The following PATL2 variants were observed in gnomAD, a reference collection of about 807,000 sequenced individuals.
The protein encoded by PATL2 is PAT1 homolog 2.
Under a neutral mutation model 77.0 loss-of-function variants are expected in PATL2, and 73 were observed. The observed-to-expected ratio is 0.95, with a 90% CI of 0.78 to 1.15. PATL2 has a LOEUF of 1.15. PATL2 is among the 50% of genes most tolerant of loss of function. PATL2 has a pLI of 0.00. For synonymous variants in PATL2, 265 were observed against 257.1 expected (o/e 1.03, Z -0.29); for missense variants, 618 against 655.4 (o/e 0.94, Z 0.62).
chr15:44,674,078 G>A, intron 6 of PATL2, 72 bp downstream of exon 6: 1 of 1,408,188 alleles, frequency 7.1e-7, no homozygotes. Flanking sequence ...CTCCAGACCA[G>A]GGTTGGGGGT....
intron 3 of PATL2, among the ~76,000 whole-genome samples, chr15:44,700,280 T>A (rs773817114): frequency 1.3e-4 from 20 of 152,114 alleles, no homozygotes; most frequent in Non-Finnish European, 2.5e-4. Context: ...TAAATGACTG[T>A]ACGTTGATTT....
At chr15:44,668,877 A>G in intron 14 of PATL2, 103 bp downstream of exon 14, 1 of 1,362,686 alleles carries the variant, frequency 7.3e-7, no homozygotes. Flanking sequence ...CGCTGTGCCC[A>G]GCACCTTCTC....
intron 3 of PATL2, among the ~76,000 whole-genome samples, chr15:44,702,670 T>C (rs1328498536): frequency 1.3e-5 from 2 of 152,060 alleles, no homozygotes; most frequent in South Asian, 2.1e-4. Context: ...CTGTATCCCA[T>C]AGGTTTTGGT....
chr15:44,708,282 A>G (rs2086781700), intron 3 of PATL2, among the ~76,000 whole-genome samples: 1 of 152,224 alleles, frequency 6.6e-6, no homozygotes, highest in African/African-American at 2.4e-5. Flanking sequence ...AGGGAGCAGG[A>G]TTAGTGGAGG....
intron 2 of PATL2, among the ~76,000 whole-genome samples, 187 bp downstream of exon 2, chr15:44,710,684 A>T (rs1374172873): frequency 1.3e-5 from 2 of 152,036 alleles, no homozygotes; most frequent in African/African-American, 4.8e-5. Flanking sequence ...TCATCCATCC[A>T]TTCGTTCATT....
chr15:44,676,015 C>A, intron 4 of PATL2: 1 of 349,616 alleles, frequency 2.9e-6, no homozygotes, highest in Non-Finnish European at 5.2e-6. Context: ...GACCCTGTCT[C>A]TAAGTAAAAA....
At chr15:44,689,577 TG>T (rs2086340040) in intron 3 of PATL2, among the ~76,000 whole-genome samples, 1 of 150,604 alleles carries the variant, frequency 6.6e-6, no homozygotes, top group African/African-American at 2.5e-5. Context: ...TGGATGAAGC[TG>T]GAAACCACCA....
chr15:44,701,568 T>C (rs2086629829), intron 3 of PATL2, among the ~76,000 whole-genome samples: 1 of 151,630 alleles, frequency 6.6e-6, no homozygotes, highest in Non-Finnish European at 1.5e-5. Flanking sequence ...TGGTGGTACA[T>C]GCCTGTTCTT....
rs376897489 is a variant in PATL2 at position 44,669,921 on chromosome 15, C to G, written c.778+46G>C. On this transcript the variant is annotated intron_variant, in intron 10 of 17. Coordinates refer to ENST00000682850, the MANE Select transcript of PATL2 (RefSeq NM_001387263.1). ...TTTCCTTCCCCCTCCCACACTCTGT[C>G]CACCCAGATGCCCAGCCCAAGTCAG... 1.7e-3 allele frequency: 2,635 copies of G among 1,550,478 alleles called. 45 individuals carry two copies. Among genetic ancestry groups the G allele is most frequent in the Non-Finnish European group, 5.1e-4 (582 of 1,146,240 alleles).
intron 15 of PATL2, among the ~76,000 whole-genome samples, chr15:44,667,816 A>G (rs931730980): frequency 2.0e-5 from 3 of 152,068 alleles, no homozygotes; most frequent in African/African-American, 7.2e-5. Flanking sequence ...GTTGGCGAAC[A>G]CTTGTAATCC....
At chr15:44,668,748 A>C (rs1174076562) in intron 14 of PATL2, among the ~76,000 whole-genome samples, 1 of 152,172 alleles carries the variant, frequency 6.6e-6, no homozygotes, top group African/African-American at 2.4e-5. Context: ...TCCTCAGCAC[A>C]CTGACACCTG....
intron 3 of PATL2, among the ~76,000 whole-genome samples, chr15:44,678,357 T>A (rs1417460803): frequency 1.3e-5 from 2 of 152,182 alleles, no homozygotes; most frequent in Non-Finnish European, 2.9e-5. Context: ...TACTGACTAG[T>A]ACCAAAGCAG....
chr15:44,685,913 T>A (rs1295916811), intron 3 of PATL2, among the ~76,000 whole-genome samples: 2 of 152,050 alleles, frequency 1.3e-5, no homozygotes, highest in African/African-American at 4.8e-5. Flanking sequence ...TAAAGCAAGT[T>A]CTTAGAGACC....
chr15:44,667,285 C>G, intron 15 of PATL2, 82 bp from the exon 16 acceptor site: 1 of 999,146 alleles, frequency 1.0e-6, no homozygotes, highest in Non-Finnish European at 1.5e-6. Flanking sequence ...ATCTTCCCAA[C>G]TAAAGGACAG....
intron 3 of PATL2, among the ~76,000 whole-genome samples, chr15:44,687,287 T>G (rs1051144878): frequency 6.6e-6 from 1 of 151,994 alleles, no homozygotes. Context: ...ATCACATAAA[T>G]AGAACCAATG....
chr15:44,701,631 G>A (rs148367330), intron 3 of PATL2, among the ~76,000 whole-genome samples: 3,744 of 150,624 alleles, frequency 0.025, 85 homozygotes, highest in South Asian at 0.063. Context: ...AGGGGGTGGA[G>A]GTTGCAGTGA....
At chr15:44,699,368 G>C (rs1371449488) in intron 3 of PATL2, among the ~76,000 whole-genome samples, 1 of 152,136 alleles carries the variant, frequency 6.6e-6, no homozygotes, top group Non-Finnish European at 1.5e-5. Context: ...TTATGAGACA[G>C]GGTCTCACTG....
At chr15:44,705,314 C>A (rs550632510) in intron 3 of PATL2, among the ~76,000 whole-genome samples, 2 of 152,062 alleles carry the variant, frequency 1.3e-5, no homozygotes, top group African/African-American at 2.4e-5. Flanking sequence ...TCCAGAGTAG[C>A]CGGGATTAAA....
chr15:44,669,745 G>T (rs952868111), intron 11 of PATL2, 32 bp downstream of exon 11: 37 of 1,548,012 alleles, frequency 2.4e-5, no homozygotes, highest in Non-Finnish European at 3.1e-5. Flanking sequence ...CCAAAGGGGA[G>T]AGAAAAATGT....
Sources: gnomAD v4.1 joint callset for allele counts (sites outside exome capture counted in the v4.1 genomes callset) on GRCh38, gnomAD v4.1.1 for gene constraint, MANE v1.5 for transcripts, NCBI Gene and HGNC (gene_info 2026-07-23, HGNC 2026-07-21) for gene names.